FER1L6: variants seen among roughly 807,000 people sequenced by gnomAD.
FER1L6 encodes fer-1-like protein 6.
FER1L6 carries 177 observed loss-of-function variants against 219.2 expected under a neutral mutation model. That is an observed-to-expected ratio of 0.81 (90% CI 0.71 to 0.91). The LOEUF is 0.91. Among genes scored for constraint, FER1L6 ranks in the 40% least tolerant of loss-of-function variants. The probability of loss-of-function intolerance (pLI) is 0.00; values close to 1 mark genes in which losing one functional copy is unlikely to be tolerated. For synonymous variants in FER1L6, 768 were observed against 824.3 expected (o/e 0.93, Z 1.17); for missense variants, 2,153 against 2,259.9 (o/e 0.95, Z 0.96).
At chr8:124,051,789 T>C (rs1277623196) in intron 22 of FER1L6, among the ~76,000 whole-genome samples, 1 of 152,218 alleles carries the variant, frequency 6.6e-6, no homozygotes, top group Non-Finnish European at 1.5e-5. Context: ...TGCCCAGGTC[T>C]ACAGCCTTGG....
At chr8:123,883,493 G>A (rs1817147231) in intron 1 of FER1L6, among the ~76,000 whole-genome samples, 1 of 152,218 alleles carries the variant, frequency 6.6e-6, no homozygotes, top group Non-Finnish European at 1.5e-5. Flanking sequence ...GTGGATGTTT[G>A]TTGAATAAGA....
chr8:123,852,682 A>G lies in FER1L6; in HGVS notation c.-8+497A>G, dbSNP rs76289088. ...ATTTTTATTTTACAGAAAAGTTGCA[A>G]AGATAATTGAGTTCTCTTAAATTTC... On this transcript the variant is annotated intron_variant, in intron 1 of 40. Transcript: ENST00000522917. The surrounding 1 kb of genome is among the most constrained non-coding windows in gnomAD (Gnocchi z 4.9). Among the ~76,000 whole-genome samples the G allele has an allele frequency of 0.014, 2,056 of 152,244 alleles. 88 individuals carry two copies. Among genetic ancestry groups the G allele is most frequent in the Admixed American group, 0.074 (1,134 of 15,282 alleles).
chr8:124,060,654 T>A lies in FER1L6; in HGVS notation c.3092T>A (p.Ile1031Asn), dbSNP rs1330201352. ...GGACAAGGTGTGAAGTCCTGCGTGA[T>A]CCAGAGCTACAAGAACAACCCGAAC... is the stretch of plus-strand genomic sequence containing the variant. ...CGGQGVKSCV[I>N]QSYKNNPNFS... The change falls in exon 24 of 41, where the codon ATC becomes AAC. Residue 1031 changes from isoleucine to asparagine, a missense_variant. Ile to Asn is a moderately radical substitution (Grantham distance 149, BLOSUM62 -3). Coordinates refer to ENST00000522917, the MANE Select transcript of FER1L6 (RefSeq NM_001039112.2). The A allele has an allele frequency of 1.2e-6, 2 of 1,613,966 alleles. No homozygotes were observed. The highest frequency in any genetic ancestry group is 1.7e-6 in the Non-Finnish European group (2 of 1,180,000).
intron 12 of FER1L6, among the ~76,000 whole-genome samples, chr8:123,986,683 G>C (rs1253863788): frequency 6.6e-6 from 1 of 151,916 alleles, no homozygotes; most frequent in Non-Finnish European, 1.5e-5. Context: ...CCCAGCCTTT[G>C]ATAACCATCA....
At chr8:124,067,841 A>C (rs1820890937) in intron 28 of FER1L6, 35 bp downstream of exon 28, 1 of 1,572,164 alleles carries the variant, frequency 6.4e-7, no homozygotes, top group Non-Finnish European at 8.8e-7. Context: ...TGTCCATAGA[A>C]TAGGGCCATC....
At chr8:123,858,147 C>T (rs1412323974) in intron 1 of FER1L6, among the ~76,000 whole-genome samples, 1 of 152,160 alleles carries the variant, frequency 6.6e-6, no homozygotes, top group Non-Finnish European at 1.5e-5. Flanking sequence ...CCTACTTTAA[C>T]CAGGTTCCTT....
At chr8:123,857,831 A>T (rs1291936049) in intron 1 of FER1L6, among the ~76,000 whole-genome samples, 1 of 152,126 alleles carries the variant, frequency 6.6e-6, no homozygotes, top group African/African-American at 2.4e-5. Context: ...TACTGCCGGA[A>T]TTTTCTGGAC....
At chr8:123,933,991 A>C (rs1813886137) in intron 1 of FER1L6, among the ~76,000 whole-genome samples, 1 of 152,184 alleles carries the variant, frequency 6.6e-6, no homozygotes, top group African/African-American at 2.4e-5. Context: ...CCATTTAGTC[A>C]TAGACATCAT....
In FER1L6 at chr8:123,980,752, G is replaced by C. The variant is rs1816286139; in HGVS notation, c.1351G>C (p.Ala451Pro). Residue 451 changes from alanine (A) to proline (P), a missense_variant, in exon 11 of 41, where the codon GCT (alanine) becomes CCT (proline). By Grantham distance (27) the Ala-to-Pro change is conservative. Coordinates refer to ENST00000522917, the MANE Select transcript of FER1L6 (RefSeq NM_001039112.2). ...AACTGAAGATGGAAAATCCCAACAG[G>C]CTTCAAACAAAACTAACTCAACCGA... is the stretch of plus-strand genomic sequence containing the variant. The part of the protein sequence containing the change: ...DKTEDGKSQQ[A>P]SNKTNSTEVE... 1 of 1,614,018 alleles carries C rather than the reference G, an allele frequency of 6.2e-7. No homozygotes were observed. The highest frequency in any genetic ancestry group is 1.3e-5 in the African/African-American group (1 of 74,912).
chr8:123,892,369 G>A (rs963947542), intron 1 of FER1L6, among the ~76,000 whole-genome samples: 8 of 152,146 alleles, frequency 5.3e-5, no homozygotes, highest in African/African-American at 1.9e-4. Context: ...TTGGCTCACT[G>A]CAACTCCTGC....
chr8:124,119,689 A>G lies in FER1L6; in HGVS notation c.5473A>G (p.Ile1825Val). The part of the protein sequence containing the change: ...YLIWKNYKKY[I>V]IIAFILIILI... ...CATCTGGAAGAATTACAAAAAGTAC[A>G]TCATCATTGCTTTCATTCTCATCAT... Residue 1825 changes from isoleucine to valine, a missense_variant, in exon 41 of 41, where the codon ATC becomes GTC. By Grantham distance (29) the Ile-to-Val change is conservative. Coordinates refer to ENST00000522917, the MANE Select transcript of FER1L6 (RefSeq NM_001039112.2). 6.2e-7 allele frequency: 1 copy of G among 1,612,934 alleles called. No individual in the cohort carries two copies. Among genetic ancestry groups the G allele is most frequent in the Non-Finnish European group, 8.5e-7 (1 of 1,178,968 alleles).
At chr8:123,869,254 C>T (rs1056136906) in intron 1 of FER1L6, among the ~76,000 whole-genome samples, 4 of 152,156 alleles carry the variant, frequency 2.6e-5, no homozygotes, top group African/African-American at 7.2e-5. Context: ...CAGATATGAT[C>T]TCCCTTGTTT....
intron 12 of FER1L6, among the ~76,000 whole-genome samples, chr8:123,999,884 C>T (rs2130481220): frequency 6.6e-6 from 1 of 152,154 alleles, no homozygotes; most frequent in South Asian, 2.1e-4. Flanking sequence ...CCTTGGCTGC[C>T]CCAGCTTATG....
At chr8:124,031,142 A>AGCAG (rs1254956146) in intron 18 of FER1L6, among the ~76,000 whole-genome samples, 9 of 152,126 alleles carry the variant, frequency 5.9e-5, no homozygotes, top group Non-Finnish European at 1.2e-4. Context: ...AGAGTGGGGA[A>AGCAG]GCAGGTGTAG....
rs1563661651 is a variant in FER1L6 at position 123,852,707 on chromosome 8, C to A, written c.-8+522C>A. ...AAGATAATTGAGTTCTCTTAAATTT[C>A]TCACTCAGTTTTCCCTAATGGTAAC... is the stretch of plus-strand genomic sequence containing the variant. On this transcript the variant is annotated intron_variant, in intron 1 of 40. Coordinates refer to ENST00000522917, the MANE Select transcript of FER1L6 (RefSeq NM_001039112.2). The surrounding 1 kb of genome is among the most constrained non-coding windows in gnomAD (Gnocchi z 4.9). 6.6e-6 allele frequency among the ~76,000 whole-genome samples: 1 copy of A among 152,130 alleles called. No individual in the cohort carries two copies. Among genetic ancestry groups the A allele is most frequent in the Non-Finnish European group, 1.5e-5 (1 of 68,036 alleles).
In FER1L6 at chr8:124,045,871, G is replaced by T. The variant is rs371206766; in HGVS notation, c.2694G>T (p.Val898=). ...VKELAESPPL[V]VVELYDSDAV... Reference sequence around the variant, plus strand: ...AGCTGGCAGAGTCCCCGCCCTTAGTGGTGGTGGAGCTGTATGACAGCGACG... The same window carrying T: ...AGCTGGCAGAGTCCCCGCCCTTAGTTGTGGTGGAGCTGTATGACAGCGACG... The change falls in exon 21 of 41, where the codon GTG becomes GTT. Residue 898 remains valine, a synonymous_variant. Coordinates refer to ENST00000522917, the MANE Select transcript of FER1L6 (RefSeq NM_001039112.2). The T allele has an allele frequency of 3.7e-6, 6 of 1,614,036 alleles. No homozygotes were observed. Among genetic ancestry groups the T allele is most frequent in the Non-Finnish European group, 5.1e-6 (6 of 1,179,986 alleles).
At chr8:123,955,744 C>T (rs1814984078) in intron 1 of FER1L6, among the ~76,000 whole-genome samples, 2 of 152,168 alleles carry the variant, frequency 1.3e-5, no homozygotes, top group East Asian at 3.9e-4. Flanking sequence ...TTCAGTTTGC[C>T]TCGCCTACGT....
intron 3 of FER1L6, 26 bp downstream of exon 3, chr8:123,963,424 C>A (rs1815394787): frequency 3.1e-6 from 5 of 1,612,810 alleles, no homozygotes; most frequent in Admixed American, 1.7e-5. Flanking sequence ...AGGTGGTCAA[C>A]ACACATTTGC....
At chr8:123,979,347 G>A (rs1402204145) in intron 10 of FER1L6, among the ~76,000 whole-genome samples, 1 of 152,126 alleles carries the variant, frequency 6.6e-6, no homozygotes, top group Non-Finnish European at 1.5e-5. Context: ...TGCCTGGCTG[G>A]CTCAGTGGAT....
Sources: gnomAD v4.1 joint callset for allele counts (sites outside exome capture counted in the v4.1 genomes callset) on GRCh38, gnomAD v4.1.1 for gene constraint, Gnocchi (gnomAD v3.1) non-coding constraint, MANE v1.5 for transcripts, NCBI Gene and HGNC (gene_info 2026-07-23, HGNC 2026-07-21) for gene names.